Variants in CHD1 observed in about 807,000 individuals in gnomAD.
The protein encoded by CHD1 is chromodomain helicase DNA binding protein 1.
A neutral mutation model predicts 224.2 loss-of-function variants in CHD1; 36 were observed. The observed-to-expected ratio is 0.16, with a 90% CI of 0.12 to 0.21. The LOEUF (loss-of-function observed/expected upper bound fraction) is 0.21. Among genes scored for constraint, CHD1 ranks in the 10% least tolerant of loss-of-function variants. CHD1 has a pLI of 1.00. For missense variants in CHD1, 1,378 were observed against 1,994.8 expected, an observed-to-expected ratio of 0.69 and a Z score of 5.89; for synonymous variants, 668 against 658.3, an observed-to-expected ratio of 1.01 and a Z score of -0.23.
chr5:98,901,128 A>T, intron 6 of CHD1, 46 bp from the exon 7 acceptor site: 1 of 1,574,044 alleles, frequency 6.4e-7, no homozygotes, highest in Non-Finnish European at 8.6e-7. Context: ...GAGAAACTAT[A>T]TACAAAAAGA....
chr5:98,892,581 G>C lies in CHD1; in HGVS notation c.2124C>G (p.Ala708=), dbSNP rs767980654. Residue 708 remains alanine (A), a synonymous_variant, in exon 15 of 36, where the codon GCC becomes GCG. Transcript: ENST00000614616. ...CCATTCTTAAAATCTGCTCAACCTT[G>C]GCAGGAAGAGATTTTTCCACATCTT... ...VKKDVEKSLP[A]KVEQILRMEM... is the part of the protein sequence containing the mutation. 44 of 1,613,654 alleles carry C rather than the reference G, an allele frequency of 2.7e-5. No individual in the cohort carries two copies. The highest frequency in any genetic ancestry group is 1.8e-4 in the East Asian group (8 of 44,854).
At position 98,873,578 on chromosome 5, in the gene CHD1, T is replaced by C. The variant is rs746912667; in HGVS notation, c.3571+15A>G. The C allele has an allele frequency of 6.4e-7, 1 of 1,555,852 alleles. No individual in the cohort carries two copies. Among genetic ancestry groups the C allele is most frequent in the South Asian group, 1.2e-5 (1 of 81,082 alleles). ...CATTTACTTCTCTTTTAAATCACTC[T>C]CAGTTTAATGTTACCTGTTCGTTCT... On this transcript the variant is annotated intron_variant, in intron 26 of 35. Coordinates refer to ENST00000614616, the MANE Select transcript of CHD1 (RefSeq NM_001270.4).
chr5:98,886,647 C>T (rs949741274), intron 17 of CHD1, among the ~76,000 whole-genome samples: 3 of 152,076 alleles, frequency 2.0e-5, no homozygotes, highest in African/African-American at 7.2e-5. Context: ...AAAATATAAA[C>T]ATTTTAAATG....
chr5:98,884,187 C>T (rs796239237), intron 18 of CHD1, among the ~76,000 whole-genome samples: 23 of 151,692 alleles, frequency 1.5e-4, no homozygotes, highest in African/African-American at 5.6e-4. Flanking sequence ...CATTCTCCTG[C>T]TTCAGCCTCC....
intron 21 of CHD1, 28 bp downstream of exon 21, chr5:98,881,251 C>CT: frequency 1.0e-6 from 1 of 988,196 alleles, no homozygotes; most frequent in South Asian, 1.7e-5. Context: ...CTGAGGCAGG[C>CT]CTTTTTTTTT....
At chr5:98,914,752 T>C (rs937009570) in intron 2 of CHD1, among the ~76,000 whole-genome samples, 4 of 152,178 alleles carry the variant, frequency 2.6e-5, no homozygotes, top group African/African-American at 9.7e-5. Flanking sequence ...ATAAGACTAT[T>C]CAAAACTATG....
chr5:98,855,461 T>C lies in CHD1; in HGVS notation c.*919A>G, dbSNP rs894522443. ...ATCTGAAAAAAGTGTTTCCAGAGCA[T>C]GCAGTTTAGATTTTACATATCTCGC... On this transcript the variant is annotated 3_prime_UTR_variant, in exon 36 of 36. Coordinates refer to ENST00000614616, the MANE Select transcript of CHD1 (RefSeq NM_001270.4). 3.3e-5 allele frequency: 5 copies of C among 152,414 alleles called. No individual in the cohort carries two copies. Among genetic ancestry groups the C allele is most frequent in the African/African-American group, 9.7e-5 (4 of 41,388 alleles). 9.4% of individuals were successfully genotyped at this position (152,414 alleles called of 1,614,324 possible).
chr5:98,920,430 T>C (rs1247280273), intron 2 of CHD1, among the ~76,000 whole-genome samples: 1 of 152,210 alleles, frequency 6.6e-6, no homozygotes, highest in Non-Finnish European at 1.5e-5. Flanking sequence ...ATGTTTCCCA[T>C]ATGATGTGAC....
At position 98,879,713 on chromosome 5, in the gene CHD1, T is replaced by G; in HGVS notation, c.3076A>C (p.Asn1026His). ...AACTCAATGTCATCCTCATCCATAT[T>G]TGAGAAGTTGGCAACCTGATAAATT... ...LSQFKVANFS[N>H]MDEDDIELEP... is the part of the protein sequence containing the mutation. Residue 1026 changes from asparagine to histidine, a missense_variant, in exon 23 of 36, where the codon AAT becomes CAT. Physicochemically the swap from Asn to His is moderately conservative, Grantham distance 68 (BLOSUM62 1). Coordinates refer to ENST00000614616, the MANE Select transcript of CHD1 (RefSeq NM_001270.4). The G allele has an allele frequency of 1.3e-6, 2 of 1,593,464 alleles. No homozygotes were observed. The highest frequency in any genetic ancestry group is 1.7e-6 in the Non-Finnish European group (2 of 1,174,410).
chr5:98,896,954 G>T (rs867844382), intron 11 of CHD1, among the ~76,000 whole-genome samples: 1 of 152,082 alleles, frequency 6.6e-6, no homozygotes, highest in African/African-American at 2.4e-5. Context: ...TATGCATTTT[G>T]ATTTTTAAAC....
intron 5 of CHD1, among the ~76,000 whole-genome samples, chr5:98,902,468 A>C (rs1751781627): frequency 6.6e-6 from 1 of 152,074 alleles, no homozygotes; most frequent in Non-Finnish European, 1.5e-5. Context: ...GATCTTTAGG[A>C]AATTACAGTG....
chr5:98,873,376 G>C (rs1043674466), intron 26 of CHD1, among the ~76,000 whole-genome samples: 3 of 151,992 alleles, frequency 2.0e-5, no homozygotes, highest in African/African-American at 7.3e-5. Flanking sequence ...TTACCTCCCA[G>C]ACAGAAAATG....
intron 22 of CHD1, among the ~76,000 whole-genome samples, chr5:98,880,160 G>A (rs1445523850): frequency 1.3e-5 from 2 of 152,190 alleles, no homozygotes; most frequent in Admixed American, 6.5e-5. Flanking sequence ...CTCTTTGAGA[G>A]CACACTAATT....
intron 2 of CHD1, among the ~76,000 whole-genome samples, chr5:98,922,702 T>C (rs1018308423): frequency 1.3e-5 from 2 of 152,182 alleles, no homozygotes; most frequent in African/African-American, 2.4e-5. Context: ...CTAATTATAT[T>C]AGGGGCCAGG....
At chr5:98,861,700 C>T (rs1359556558) in intron 32 of CHD1, among the ~76,000 whole-genome samples, 2 of 150,480 alleles carry the variant, frequency 1.3e-5, no homozygotes. Flanking sequence ...TTTAGTAGAC[C>T]ACCGTCTTAG....
intron 3 of CHD1, among the ~76,000 whole-genome samples, chr5:98,904,563 C>A (rs771805392): frequency 6.6e-6 from 1 of 152,140 alleles, no homozygotes. Context: ...GATCATAACA[C>A]GGTAAGGTTA....
Position 98,896,347 on chromosome 5 carries a change from T to C in CHD1, c.1589A>G (p.Tyr530Cys). The C allele has an allele frequency of 6.2e-7, 1 of 1,613,934 alleles. No homozygotes were observed. The highest frequency in any genetic ancestry group is 8.5e-7 in the Non-Finnish European group (1 of 1,179,842). Residue 530 changes from tyrosine (Y) to cysteine (C), a missense_variant, in exon 12 of 36, where the codon TAT (tyrosine) becomes TGT (cysteine). Around this residue, in one of 16 missense-constraint regions of CHD1, gnomAD observed 49 missense variants for 135.7 expected, o/e 0.36. Transcript: ENST00000614616. ...CGGTACTACCAATAAAAAAGGTCCA[T>C]ATAATTGATGTTCATGAAACAAATA... Reference protein sequence around the residue: ...LNYLFHEHQLYGPFLLVVPLS... With the variant: ...LNYLFHEHQLCGPFLLVVPLS...
At chr5:98,896,045 A>C (rs1273927040) in intron 12 of CHD1, among the ~76,000 whole-genome samples, 181 bp downstream of exon 12, 2 of 152,112 alleles carry the variant, frequency 1.3e-5, no homozygotes, top group African/African-American at 2.4e-5. Context: ...TCCACTAAAA[A>C]ATATAAAAAA....
At chr5:98,919,478 A>C (rs1197319548) in intron 2 of CHD1, among the ~76,000 whole-genome samples, 1 of 152,178 alleles carries the variant, frequency 6.6e-6, no homozygotes, top group Non-Finnish European at 1.5e-5. Flanking sequence ...CTAAATATTA[A>C]AGTGTACTGT....
Sources: allele counts gnomAD v4.1 joint callset (sites outside exome capture counted in the v4.1 genomes callset), GRCh38; gene constraint gnomAD v4.1.1; regional missense constraint gnomAD v4.1.1; transcripts MANE v1.5; gene names NCBI Gene and HGNC (gene_info 2026-07-23, HGNC 2026-07-21).